The following ERC1 variants were observed in gnomAD, a reference collection of about 807,000 sequenced individuals.
ERC1 encodes RAB6 interacting protein 2.
A neutral mutation model predicts 132.0 loss-of-function variants in ERC1; 56 were observed. The ratio of observed to expected loss-of-function variants is 0.42; its 90% CI spans 0.34 to 0.53. The LOEUF (loss-of-function observed/expected upper bound fraction) is 0.53. Ranked by LOEUF, ERC1 falls within the 20% of genes least tolerant of loss-of-function variation. The pLI is 0.03. For synonymous variants in ERC1, 478 were observed against 476.1 expected (o/e 1.00, Z -0.05); for missense variants, 1,202 against 1,349.9 (o/e 0.89, Z 1.72).
chr12:1,183,186 TAGAA>T (rs1295778711), intron 10 of ERC1, 91 bp from the exon 11 acceptor site: 10 of 740,498 alleles, frequency 1.4e-5, no homozygotes, highest in African/African-American at 8.9e-5. Context: ...CATTTGGTAA[TAGAA>T]AGGAAATTAC....
At chr12:1,304,545 A>C (rs2080688292) in intron 15 of ERC1, among the ~76,000 whole-genome samples, 1 of 152,220 alleles carries the variant, frequency 6.6e-6, no homozygotes, top group African/African-American at 2.4e-5. Flanking sequence ...AACAGTTGGA[A>C]GCACAACTGG....
chr12:1,342,476 A>C (rs1274923267), intron 15 of ERC1, among the ~76,000 whole-genome samples: 6 of 151,698 alleles, frequency 4.0e-5, no homozygotes, highest in Non-Finnish European at 8.8e-5. Flanking sequence ...CTCAAAAAAA[A>C]AAAAAACAAA....
At chr12:1,463,889 A>G (rs1004490772) in intron 18 of ERC1, among the ~76,000 whole-genome samples, 4 of 152,092 alleles carry the variant, frequency 2.6e-5, no homozygotes, top group Non-Finnish European at 5.9e-5. Flanking sequence ...TGGCAAGGAA[A>G]AGCTTGCTTT....
chr12:1,361,225 A>C (rs1309588093), intron 15 of ERC1, among the ~76,000 whole-genome samples: 2 of 130,328 alleles, frequency 1.5e-5, no homozygotes, highest in Non-Finnish European at 3.1e-5. Context: ...TCATGGACAC[A>C]GGAAGGGGAA....
intron 13 of ERC1, among the ~76,000 whole-genome samples, chr12:1,256,792 T>C (rs981019300): frequency 1.3e-5 from 2 of 150,862 alleles, no homozygotes; most frequent in African/African-American, 4.9e-5. Context: ...ATTTTAGGTA[T>C]GTTTGGGTTC....
intron 18 of ERC1, among the ~76,000 whole-genome samples, chr12:1,455,881 C>A (rs922562739): frequency 2.0e-5 from 3 of 152,198 alleles, no homozygotes; most frequent in Non-Finnish European, 4.4e-5. Flanking sequence ...CAGTACTGAA[C>A]ATGTGCTACA....
chr12:1,356,325 T>C (rs554719507), intron 15 of ERC1, among the ~76,000 whole-genome samples: 6 of 152,084 alleles, frequency 3.9e-5, no homozygotes, highest in Non-Finnish European at 7.3e-5. Flanking sequence ...GGTATCAATT[T>C]CTATAGTTTT....
At chr12:1,012,956 A>G (rs549693133) in intron 1 of ERC1, among the ~76,000 whole-genome samples, 2 of 152,228 alleles carry the variant, frequency 1.3e-5, no homozygotes, top group East Asian at 3.9e-4. Context: ...TTTTACTATC[A>G]TATTAGTTAT....
chr12:1,221,724 G>A (rs543944674), intron 12 of ERC1, among the ~76,000 whole-genome samples: 1 of 152,056 alleles, frequency 6.6e-6, no homozygotes. Flanking sequence ...TACTCTTTGG[G>A]CAGGTATTTT....
chr12:1,402,282 C>T lies in ERC1; in HGVS notation c.2926-5867C>T, dbSNP rs144428500. Among the ~76,000 whole-genome samples, 212 of 152,250 alleles carry T rather than the reference C, an allele frequency of 1.4e-3. 1 individual carries two copies. The highest frequency in any genetic ancestry group is 4.6e-3 in the African/African-American group (192 of 41,552). ...ACGGTGGCTCACGCCGTAATCCCAG[C>T]ACTTTGGGAGGCCAAGGCAGGTGGA... On this transcript the variant is annotated intron_variant, in intron 16 of 18. Transcript: ENST00000360905.
At chr12:1,006,712 G>C (rs1963677918) in intron 1 of ERC1, among the ~76,000 whole-genome samples, 1 of 151,704 alleles carries the variant, frequency 6.6e-6, no homozygotes, top group Non-Finnish European at 1.5e-5. Flanking sequence ...TTTTTTATTA[G>C]AGACAGGGTC....
intron 17 of ERC1, among the ~76,000 whole-genome samples, chr12:1,423,580 A>G (rs1025676547): frequency 7.9e-5 from 12 of 152,320 alleles, no homozygotes; most frequent in Admixed American, 2.0e-4. Flanking sequence ...GTAAGTATCA[A>G]CTGGGTCAGG....
At chr12:1,350,717 T>G (rs2084917798) in intron 15 of ERC1, among the ~76,000 whole-genome samples, 1 of 152,178 alleles carries the variant, frequency 6.6e-6, no homozygotes, top group Non-Finnish European at 1.5e-5. Flanking sequence ...TTGTGTGTTG[T>G]TATAAAAGAA....
At chr12:1,180,444 C>A in intron 8 of ERC1, 96 bp from the exon 9 acceptor site, 1 of 1,145,618 alleles carries the variant, frequency 8.7e-7, no homozygotes, top group Non-Finnish European at 1.3e-6. Context: ...ACAGACAACC[C>A]TGAGCTATCT....
At chr12:1,118,361 C>T (rs1038257136) in intron 7 of ERC1, among the ~76,000 whole-genome samples, 1 of 152,146 alleles carries the variant, frequency 6.6e-6, no homozygotes, top group African/African-American at 2.4e-5. Context: ...TTTGTACCCC[C>T]CTCAAATAAT....
intron 13 of ERC1, among the ~76,000 whole-genome samples, chr12:1,255,633 T>G (rs947447379): frequency 2.4e-5 from 3 of 125,964 alleles, no homozygotes; most frequent in African/African-American, 9.7e-5. Flanking sequence ...TTTTTTTTTT[T>G]TTTTTTTTTT....
intron 15 of ERC1, among the ~76,000 whole-genome samples, chr12:1,359,163 C>T (rs898627248): frequency 2.0e-5 from 3 of 152,128 alleles, no homozygotes; most frequent in African/African-American, 7.2e-5. Flanking sequence ...TAGGCTCAGT[C>T]GAGGCTTTCT....
chr12:1,240,967 G>A (rs926486398), intron 13 of ERC1, among the ~76,000 whole-genome samples: 8 of 151,968 alleles, frequency 5.3e-5, no homozygotes, highest in East Asian at 3.9e-4. Context: ...CTTTATACAC[G>A]TTCCTCTTTT....
At chr12:1,193,901 T>C (rs1311265732) in intron 12 of ERC1, among the ~76,000 whole-genome samples, 1 of 152,208 alleles carries the variant, frequency 6.6e-6, no homozygotes, top group African/African-American at 2.4e-5. Context: ...CTGGGCACTG[T>C]AACATAGACA....
Sources: gnomAD v4.1 joint callset for allele counts (sites outside exome capture counted in the v4.1 genomes callset) on GRCh38, gnomAD v4.1.1 for gene constraint, MANE v1.5 for transcripts, NCBI Gene and HGNC (gene_info 2026-07-23, HGNC 2026-07-21) for gene names.